The following CRTAC1 variants were observed in gnomAD, a reference collection of about 807,000 sequenced individuals.
The protein encoded by CRTAC1 is cartilage acidic protein 1, also known as acidic secreted protein in cartilage.
A neutral mutation model predicts 67.8 loss-of-function variants in CRTAC1; 37 were observed. That is an observed-to-expected ratio of 0.55 (90% CI 0.42 to 0.72). The LOEUF is 0.72. CRTAC1 is among the 30% of genes least tolerant of loss of function. CRTAC1 has a pLI of 0.00. For synonymous variants in CRTAC1, 348 were observed against 371.0 expected, an observed-to-expected ratio of 0.94 and a Z score of 0.71; for missense variants, 780 against 931.6, an observed-to-expected ratio of 0.84 and a Z score of 2.12.
Position 97,865,296 on chromosome 10 carries a change from A to C in CRTAC1, c.*252T>G, listed in dbSNP as rs755452510. 43 of 406,626 alleles carry C rather than the reference A, an allele frequency of 1.1e-4. No homozygotes were observed. The highest frequency in any genetic ancestry group is 1.7e-4 in the Non-Finnish European group (39 of 229,630). The allele number at this position is 406,626 out of a possible 1,614,324, so 25.2% of individuals were successfully genotyped here. On this transcript the variant is annotated 3_prime_UTR_variant, in exon 15 of 15. Coordinates refer to ENST00000370597, the MANE Select transcript of CRTAC1 (RefSeq NM_018058.7). ...CCTGGGCACATCTGTGTCCTAAGAT[A>C]TGGTCATTAGACCCACTGGAATGTA...
At chr10:97,949,842 C>A (rs1019088693) in intron 2 of CRTAC1, among the ~76,000 whole-genome samples, 1 of 152,216 alleles carries the variant, frequency 6.6e-6, no homozygotes, top group African/African-American at 2.4e-5. Context: ...TAGGGCTGTG[C>A]AGAGGATTAG....
intron 2 of CRTAC1, among the ~76,000 whole-genome samples, chr10:97,974,230 C>T (rs1462731132): frequency 1.3e-5 from 2 of 152,190 alleles, no homozygotes; most frequent in Admixed American, 6.5e-5. Context: ...GGGTGGGAGA[C>T]GCCCAGGAAG....
intron 2 of CRTAC1, among the ~76,000 whole-genome samples, chr10:97,942,638 A>G (rs1367888269): frequency 6.6e-6 from 1 of 152,190 alleles, no homozygotes; most frequent in Non-Finnish European, 1.5e-5. Flanking sequence ...GTGCTAAGTA[A>G]TTTACATATG....
chr10:97,897,025 G>A, intron 8 of CRTAC1, 34 bp from the exon 9 acceptor site: 3 of 1,497,218 alleles, frequency 2.0e-6, no homozygotes, highest in Non-Finnish European at 2.7e-6. Flanking sequence ...CTCTGGTGGG[G>A]TCTCAGAGGC....
intron 7 of CRTAC1, among the ~76,000 whole-genome samples, chr10:97,902,153 T>G (rs2050550406): frequency 6.6e-6 from 1 of 152,224 alleles, no homozygotes; most frequent in African/African-American, 2.4e-5. Context: ...ACTGACTAGC[T>G]GTGTGATCTT....
intron 14 of CRTAC1, chr10:97,870,244 C>G (rs1278203200): frequency 6.6e-6 from 1 of 152,118 alleles, no homozygotes; most frequent in Non-Finnish European, 1.5e-5. Flanking sequence ...GGCTGAGAAT[C>G]CCTGGTTTTG....
chr10:98,002,199 T>C (rs1842703265), intron 2 of CRTAC1, among the ~76,000 whole-genome samples: 2 of 152,350 alleles, frequency 1.3e-5, no homozygotes, highest in Non-Finnish European at 2.9e-5. Flanking sequence ...ACTTTCCAAA[T>C]GGATGAAAAA....
chr10:97,881,006 C>G (rs547482892), intron 13 of CRTAC1, among the ~76,000 whole-genome samples: 8 of 152,296 alleles, frequency 5.3e-5, no homozygotes, highest in Admixed American at 2.0e-4. Context: ...TTTCTCATTC[C>G]TCTGCCACCA....
chr10:97,920,156 G>T (rs567887369), intron 4 of CRTAC1, among the ~76,000 whole-genome samples: 5 of 152,152 alleles, frequency 3.3e-5, no homozygotes, highest in African/African-American at 1.2e-4. Flanking sequence ...AGGAAAGTGC[G>T]CCATCACAAA....
intron 1 of CRTAC1, among the ~76,000 whole-genome samples, chr10:98,018,199 CAAAAAAAAAAAAAA>C (rs71007373): frequency 0.03 from 1,469 of 48,678 alleles, 52 homozygotes; most frequent in African/African-American, 0.11. Context: ...AAGATGCCCG[CAAAAAAAAAAAAAA>C]AAAAAAAAAA....
intron 3 of CRTAC1, among the ~76,000 whole-genome samples, chr10:97,929,641 C>T (rs2050973350): frequency 6.6e-6 from 1 of 152,168 alleles, no homozygotes; most frequent in South Asian, 2.1e-4. Context: ...CTTGTGTTTT[C>T]CTGATCTGTA....
At chr10:97,958,553 G>C (rs2051476382) in intron 2 of CRTAC1, among the ~76,000 whole-genome samples, 2 of 152,168 alleles carry the variant, frequency 1.3e-5, no homozygotes, top group Admixed American at 1.3e-4. Context: ...TCCCCTACCA[G>C]AGTGGTTAAT....
At chr10:98,005,633 C>G (rs1842775814) in intron 2 of CRTAC1, among the ~76,000 whole-genome samples, 1 of 150,796 alleles carries the variant, frequency 6.6e-6, no homozygotes, top group African/African-American at 2.4e-5. Flanking sequence ...CATACTACAT[C>G]TACCTATTAT....
intron 2 of CRTAC1, among the ~76,000 whole-genome samples, chr10:98,006,162 G>A (rs758905831): frequency 1.1e-4 from 17 of 152,316 alleles, no homozygotes; most frequent in Non-Finnish European, 2.1e-4. Flanking sequence ...TAAAGGAATT[G>A]TACAAGATTG....
chr10:97,993,851 T>A (rs931041170), intron 2 of CRTAC1, among the ~76,000 whole-genome samples: 1 of 152,190 alleles, frequency 6.6e-6, no homozygotes, highest in African/African-American at 2.4e-5. Context: ...AATGTGTATG[T>A]AGAGTGTTTA....
chr10:97,948,017 T>C (rs1009591016), intron 2 of CRTAC1, among the ~76,000 whole-genome samples: 2 of 152,056 alleles, frequency 1.3e-5, no homozygotes, highest in South Asian at 4.1e-4. Flanking sequence ...GATCATTGTC[T>C]GGTATGCATG....
intron 2 of CRTAC1, among the ~76,000 whole-genome samples, chr10:97,991,764 CT>C (rs1345378930): frequency 6.6e-6 from 1 of 152,158 alleles, no homozygotes; most frequent in Non-Finnish European, 1.5e-5. Flanking sequence ...CAAGAATGAA[CT>C]TGTCTTCTTT....
chr10:97,887,232 T>G (rs536214630), intron 11 of CRTAC1, among the ~76,000 whole-genome samples: 54 of 151,510 alleles, frequency 3.6e-4, no homozygotes, highest in Non-Finnish European at 6.2e-4. Context: ...CTTAGGTTTT[T>G]TTTTTTTTTT....
At chr10:97,969,242 G>A (rs2051667794) in intron 2 of CRTAC1, among the ~76,000 whole-genome samples, 1 of 152,184 alleles carries the variant, frequency 6.6e-6, no homozygotes, top group Admixed American at 6.5e-5. Flanking sequence ...TCTCAACTGG[G>A]GGAGGAGGAG....
Sources: gnomAD v4.1 joint callset for allele counts (sites outside exome capture counted in the v4.1 genomes callset) on GRCh38, gnomAD v4.1.1 for gene constraint, MANE v1.5 for transcripts, NCBI Gene and HGNC (gene_info 2026-07-23, HGNC 2026-07-21) for gene names.